DOCK10: variants seen among roughly 807,000 people sequenced by gnomAD.
DOCK10 encodes the protein dedicator of cytokinesis 10, also known as dedicator of cytokinesis protein 10.
DOCK10 carries 145 observed loss-of-function variants against 280.1 expected under a neutral mutation model. The observed-to-expected ratio is 0.52, with a 90% CI of 0.45 to 0.59. The LOEUF (loss-of-function observed/expected upper bound fraction) is 0.59, where lower values mean the gene tolerates loss of function less well. Ranked by LOEUF, DOCK10 falls within the 20% of genes least tolerant of loss-of-function variation. DOCK10 has a pLI of 0.00. For synonymous variants in DOCK10, 915 were observed against 942.2 expected, an observed-to-expected ratio of 0.97 and a Z score of 0.53; for missense variants, 2,368 against 2,651.7, an observed-to-expected ratio of 0.89 and a Z score of 2.35.
At chr2:224,912,243 C>T (rs529770959) in intron 3 of DOCK10, among the ~76,000 whole-genome samples, 2 of 151,638 alleles carry the variant, frequency 1.3e-5, no homozygotes, top group African/African-American at 4.9e-5. Flanking sequence ...TCAAGTGATT[C>T]TCCTGCCTCA....
chr2:225,019,170 C>T (rs1355912033), intron 1 of DOCK10, among the ~76,000 whole-genome samples: 1 of 152,070 alleles, frequency 6.6e-6, no homozygotes, highest in Non-Finnish European at 1.5e-5. Flanking sequence ...GGAGACCAAT[C>T]ATCTAGCATT....
intron 1 of DOCK10, among the ~76,000 whole-genome samples, chr2:224,990,542 G>T (rs971755440): frequency 1.3e-5 from 2 of 152,154 alleles, no homozygotes; most frequent in Non-Finnish European, 2.9e-5. Context: ...AAAATCTAAG[G>T]ACTTTTAAAC....
intron 1 of DOCK10, among the ~76,000 whole-genome samples, chr2:225,017,500 G>A (rs547933692): frequency 3.9e-5 from 6 of 152,156 alleles, no homozygotes; most frequent in African/African-American, 1.4e-4. Context: ...CTGATTGATT[G>A]GTTGATTCAG....
chr2:224,850,001 G>A (rs531132837), intron 18 of DOCK10, among the ~76,000 whole-genome samples: 33 of 152,186 alleles, frequency 2.2e-4, no homozygotes, highest in African/African-American at 7.5e-4. Context: ...GGGCCAAGCT[G>A]GTTAAGACCA....
intron 1 of DOCK10, among the ~76,000 whole-genome samples, chr2:225,018,734 T>C (rs1328262374): frequency 1.6e-5 from 1 of 60,700 alleles, no homozygotes; most frequent in African/African-American, 4.4e-5. Flanking sequence ...TTCATGTAAA[T>C]ATATATATAT....
intron 2 of DOCK10, among the ~76,000 whole-genome samples, chr2:224,928,149 A>G (rs1165764884): frequency 6.6e-6 from 1 of 152,338 alleles, no homozygotes; most frequent in East Asian, 1.9e-4. Context: ...CTGTGGGTGA[A>G]GCAGGTAACA....
At chr2:224,862,147 C>A (rs974236031) in intron 14 of DOCK10, 2 of 152,542 alleles carry the variant, frequency 1.3e-5, no homozygotes, top group Non-Finnish European at 2.9e-5. Flanking sequence ...CTTTCAGAGG[C>A]AACTGGTACT....
intron 2 of DOCK10, among the ~76,000 whole-genome samples, chr2:224,925,983 T>C (rs1302505755): frequency 5.9e-5 from 9 of 152,250 alleles, no homozygotes; most frequent in Admixed American, 5.9e-4. Context: ...GTGACTAAGT[T>C]CTTTATTTTT....
At chr2:224,829,205 T>G (rs1056010169) in intron 27 of DOCK10, among the ~76,000 whole-genome samples, 3 of 152,204 alleles carry the variant, frequency 2.0e-5, no homozygotes, top group Admixed American at 1.3e-4. Context: ...TCTGCCCTGA[T>G]AGAGTGGGGA....
intron 1 of DOCK10, among the ~76,000 whole-genome samples, chr2:224,961,414 CTT>C (rs1466333487): frequency 8.4e-5 from 7 of 82,992 alleles, no homozygotes; most frequent in Non-Finnish European, 1.6e-4. Context: ...CTTTCTTTCT[CTT>C]TCTTTCTTTC....
At chr2:224,921,095 AAAAAAAAAAAAAAAAAAATAT>A (rs1475763509) in intron 2 of DOCK10, among the ~76,000 whole-genome samples, 1 of 38,154 alleles carries the variant, frequency 2.6e-5, no homozygotes, top group Non-Finnish European at 5.0e-5. Flanking sequence ...TCTCTATTAA[AAAAAAAAAAAAAAAAAAATAT>A]ATATATATAT....
chr2:224,980,853 C>T (rs1705708627), intron 1 of DOCK10, among the ~76,000 whole-genome samples: 3 of 151,878 alleles, frequency 2.0e-5, no homozygotes, highest in Non-Finnish European at 4.4e-5. Flanking sequence ...TATTTAATAT[C>T]AATAAAGGTA....
chr2:224,938,049 T>G (rs919305924), intron 1 of DOCK10, among the ~76,000 whole-genome samples: 7 of 152,170 alleles, frequency 4.6e-5, no homozygotes, highest in African/African-American at 1.7e-4. Flanking sequence ...TAGGGAGCCA[T>G]GTCTTGGTTA....
intron 31 of DOCK10, among the ~76,000 whole-genome samples, chr2:224,809,205 T>C (rs1038436550): frequency 1.3e-4 from 20 of 151,986 alleles, no homozygotes; most frequent in African/African-American, 3.6e-4. Flanking sequence ...GTCCAAAGGG[T>C]TTTTAAAATG....
Position 224,770,192 on chromosome 2 carries a change from T to A in DOCK10, c.6444+19A>T, listed in dbSNP as rs1690337400. 6.5e-7 allele frequency: 1 copy of A among 1,529,008 alleles called. No homozygotes were observed. Among genetic ancestry groups the A allele is most frequent in the Non-Finnish European group, 8.8e-7 (1 of 1,137,628 alleles). 94.7% of individuals were successfully genotyped at this position (1,529,008 alleles called of 1,614,324 possible). On this transcript the variant is annotated intron_variant, in intron 55 of 55. Transcript: ENST00000258390. This position sits in a 1 kb window ranked among gnomAD's most constrained non-coding sequence, Gnocchi z 4.5. ...ACTTTCTGTCCACTGATAGCGCGTG[T>A]GCACCAAGGAGCGCTCACCTGCTCA...
Position 225,014,084 on chromosome 2 carries a change from G to GTTTTTTTTTT in DOCK10, c.123+28158_123+28167dup, listed in dbSNP as rs1174953662. Among the ~76,000 whole-genome samples, 4 of 104,448 alleles carry GTTTTTTTTTT rather than the reference G, an allele frequency of 3.8e-5. 1 individual carries two copies. The highest frequency in any genetic ancestry group is 5.3e-5 in the Non-Finnish European group (3 of 56,130). The allele number at this position is 104,448 out of a possible 152,430, so 68.5% of individuals were successfully genotyped here. On this transcript the variant is annotated intron_variant, in intron 1 of 55. Transcript: ENST00000258390. ...AAATCCCCAGAAGTCTGAATATATT[G>GTTTTTTTTTT]TTTTTTTTTTTTTGTTTTTTTTTTT...
At chr2:224,915,211 G>A (rs1205237534) in intron 3 of DOCK10, among the ~76,000 whole-genome samples, 1 of 101,010 alleles carries the variant, frequency 9.9e-6, no homozygotes, top group Non-Finnish European at 2.5e-5. Context: ...GTTTGAATAA[G>A]TCTGATTGTC....
intron 1 of DOCK10, among the ~76,000 whole-genome samples, chr2:224,937,742 C>A (rs1022145272): frequency 1.9e-4 from 29 of 152,038 alleles, no homozygotes; most frequent in African/African-American, 7.0e-4. Context: ...GAGAAATGGC[C>A]TAGAAAATAT....
At chr2:224,849,477 C>T (rs372134452) in intron 19 of DOCK10, 30 bp downstream of exon 19, 74 of 1,513,304 alleles carry the variant, frequency 4.9e-5, no homozygotes, top group Non-Finnish European at 4.8e-5. Flanking sequence ...TCTTAGGAAC[C>T]GCTGGGGGCA....
Sources: allele counts gnomAD v4.1 joint callset (sites outside exome capture counted in the v4.1 genomes callset), GRCh38; gene constraint gnomAD v4.1.1; non-coding constraint Gnocchi (gnomAD v3.1); transcripts MANE v1.5; gene names NCBI Gene and HGNC (gene_info 2026-07-23, HGNC 2026-07-21).